The following CCDC6 variants were observed in gnomAD, a reference collection of about 807,000 sequenced individuals.
CCDC6 encodes coiled-coil domain-containing protein 6.
In CCDC6, 20 loss-of-function variants were observed where a neutral mutation model predicts 56.6. The observed-to-expected ratio is 0.35, with a 90% CI of 0.25 to 0.51. The LOEUF (loss-of-function observed/expected upper bound fraction) is 0.51, where lower values mean the gene tolerates loss of function less well. Among genes scored for constraint, CCDC6 ranks in the 20% least tolerant of loss-of-function variants. CCDC6 has a pLI of 0.95. For synonymous variants in CCDC6, 241 were observed against 234.4 expected (o/e 1.03, Z -0.26); for missense variants, 367 against 601.1 (o/e 0.61, Z 4.07).
intron 5 of CCDC6, among the ~76,000 whole-genome samples, chr10:59,812,034 T>C (rs373730370): frequency 2.1e-5 from 3 of 139,822 alleles, no homozygotes; most frequent in East Asian, 4.1e-4. Flanking sequence ...CACTGAATTA[T>C]CTGTTCAAAA....
At chr10:59,793,242 T>A (rs1272170368) in intron 8 of CCDC6, 131 bp from the exon 9 acceptor site, 7 of 687,554 alleles carry the variant, frequency 1.0e-5, no homozygotes, top group African/African-American at 1.8e-5. Flanking sequence ...GATTTCTTTC[T>A]TCATCCCTAC....
At chr10:59,846,647 C>T (rs2070995007) in intron 2 of CCDC6, among the ~76,000 whole-genome samples, 1 of 152,118 alleles carries the variant, frequency 6.6e-6, no homozygotes, top group African/African-American at 2.4e-5. Context: ...GTTAGAGCAG[C>T]ATTATTTTCT....
intron 2 of CCDC6, among the ~76,000 whole-genome samples, chr10:59,834,592 T>A (rs551228155): frequency 4.0e-4 from 60 of 150,428 alleles, no homozygotes; most frequent in Non-Finnish European, 7.2e-4. Context: ...GAAAAAAAAA[T>A]TTTAATCTGA....
chr10:59,876,618 A>G (rs1407658367), intron 1 of CCDC6, among the ~76,000 whole-genome samples: 1 of 152,052 alleles, frequency 6.6e-6, no homozygotes, highest in Non-Finnish European at 1.5e-5. Flanking sequence ...AAGCTATCCA[A>G]AAGTAGCCCT....
chr10:59,807,378 G>A (rs1239026122), intron 5 of CCDC6, among the ~76,000 whole-genome samples: 3 of 152,042 alleles, frequency 2.0e-5, no homozygotes, highest in East Asian at 1.9e-4. Flanking sequence ...CCAGCTATTC[G>A]GGAGGCTGAG....
rs961014875 is a variant in CCDC6, at chr10:59,823,497, C to G, written c.583-8742G>C. On this transcript the variant is annotated intron_variant, in intron 3 of 8. Transcript: ENST00000263102. ...CTGAGTAAATGAGACACCCCTCTCA[C>G]AACTACTGTGAAGGGGTCAGGGAAA... Among the ~76,000 whole-genome samples the G allele has an allele frequency of 1.3e-5, 2 of 152,176 alleles. 1 individual carries two copies. The highest frequency in any genetic ancestry group is 4.1e-4 in the South Asian group (2 of 4,828).
chr10:59,831,427 T>TAG (rs1386481068), intron 3 of CCDC6, among the ~76,000 whole-genome samples: 4 of 152,188 alleles, frequency 2.6e-5, no homozygotes, highest in African/African-American at 9.7e-5. Context: ...TGCAGCACGA[T>TAG]CACTGTTTCA....
At chr10:59,901,721 C>A (rs147418370) in intron 1 of CCDC6, among the ~76,000 whole-genome samples, 1 of 152,144 alleles carries the variant, frequency 6.6e-6, no homozygotes, top group Non-Finnish European at 1.5e-5. Context: ...TGCTTATACA[C>A]GGAGAATGCC....
chr10:59,864,780 G>C (rs1197050229), intron 1 of CCDC6, among the ~76,000 whole-genome samples: 1 of 152,128 alleles, frequency 6.6e-6, no homozygotes, highest in Non-Finnish European at 1.5e-5. Flanking sequence ...ATAGGAAACA[G>C]ACTCCCACCT....
intron 5 of CCDC6, among the ~76,000 whole-genome samples, chr10:59,811,014 G>A (rs1052659609): frequency 3.9e-5 from 6 of 152,154 alleles, no homozygotes. Context: ...ACAAGCCAGG[G>A]AATCCAGGCA....
At chr10:59,865,852 C>CAAAAAAAAA (rs777021321) in intron 1 of CCDC6, among the ~76,000 whole-genome samples, 1,679 of 56,932 alleles carry the variant, frequency 0.029, 83 homozygotes, top group Non-Finnish European at 0.034. Context: ...TCCATCTCCA[C>CAAAAAAAAA]AAAAAAAAAA....
Position 59,790,474 on chromosome 10 carries a change from C to G in CCDC6, c.*2443G>C, listed in dbSNP as rs1016553568. On this transcript the variant is annotated 3_prime_UTR_variant, in exon 9 of 9. Transcript: ENST00000263102. Reference sequence around the variant, plus strand: ...TTATGGGCTCAGAATCTAAATCTTACTGATCCCTAGTAGTAAGACAATTGC... The same window carrying G: ...TTATGGGCTCAGAATCTAAATCTTAGTGATCCCTAGTAGTAAGACAATTGC... 2 of 218,572 alleles carry G rather than the reference C, an allele frequency of 9.2e-6. No individual in the cohort carries two copies. Among genetic ancestry groups the G allele is most frequent in the Admixed American group, 1.2e-4 (2 of 17,242 alleles). 13.5% of individuals were successfully genotyped at this position (218,572 alleles called of 1,614,324 possible).
chr10:59,806,834 T>C (rs1254560580), intron 6 of CCDC6, 88 bp downstream of exon 6: 3 of 1,270,726 alleles, frequency 2.4e-6, no homozygotes, highest in South Asian at 1.5e-5. Flanking sequence ...CATCCCCTTA[T>C]ACACCTAACA....
chr10:59,796,332 C>T (rs1384919154), intron 7 of CCDC6, among the ~76,000 whole-genome samples: 2 of 121,674 alleles, frequency 1.6e-5, no homozygotes, highest in East Asian at 2.3e-4. Flanking sequence ...TTGTTTTTTT[C>T]TTGTAAATTT....
At chr10:59,862,512 TATATAC>T (rs1229910173) in intron 1 of CCDC6, among the ~76,000 whole-genome samples, 4 of 75,416 alleles carry the variant, frequency 5.3e-5, no homozygotes, top group East Asian at 2.8e-4. Flanking sequence ...TATATATATA[TATATAC>T]ACACACACAC....
chr10:59,857,203 T>C lies in CCDC6; in HGVS notation c.304-4501A>G, dbSNP rs542531604. ...AAGGGAGAGTAGGATCAGGAGAAAT[T>C]TACCAAGTCCTGTGGGAAAAATAAA... On this transcript the variant is annotated intron_variant, in intron 1 of 8. Transcript: ENST00000263102. Among the ~76,000 whole-genome samples, 280 of 152,208 alleles carry C rather than the reference T, an allele frequency of 1.8e-3. 2 individuals carry two copies. Among genetic ancestry groups the C allele is most frequent in the African/African-American group, 6.5e-3 (271 of 41,524 alleles).
At chr10:59,825,526 T>C (rs1363804241) in intron 3 of CCDC6, among the ~76,000 whole-genome samples, 1 of 152,188 alleles carries the variant, frequency 6.6e-6, no homozygotes, top group African/African-American at 2.4e-5. Flanking sequence ...TTTACAGGAG[T>C]TAGTAAAACC....
At chr10:59,836,633 G>C (rs930026459) in intron 2 of CCDC6, among the ~76,000 whole-genome samples, 3 of 152,110 alleles carry the variant, frequency 2.0e-5, no homozygotes, top group African/African-American at 7.2e-5. Context: ...TAAATGCCTA[G>C]GCAGATTAAA....
chr10:59,884,196 G>T (rs1411508441), intron 1 of CCDC6, among the ~76,000 whole-genome samples: 1 of 152,070 alleles, frequency 6.6e-6, no homozygotes, highest in Non-Finnish European at 1.5e-5. Flanking sequence ...ATAAAGGTAA[G>T]TAACATGGCA....
Sources: allele counts gnomAD v4.1 joint callset (sites outside exome capture counted in the v4.1 genomes callset), GRCh38; gene constraint gnomAD v4.1.1; transcripts MANE v1.5; gene names NCBI Gene and HGNC (gene_info 2026-07-23, HGNC 2026-07-21).